WBP1L: variants seen among roughly 807,000 people sequenced by gnomAD.
WBP1L encodes the protein WW domain binding protein 1-like.
WBP1L carries 17 observed loss-of-function variants against 33.7 expected under a neutral mutation model. The observed-to-expected ratio is 0.50, with a 90% CI of 0.34 to 0.76. The LOEUF is 0.76. WBP1L is among the 30% of genes least tolerant of loss of function. WBP1L has a pLI of 0.01. For missense variants in WBP1L, 389 were observed against 469.4 expected (o/e 0.83, Z 1.58); for synonymous variants, 173 against 190.8 (o/e 0.91, Z 0.77).
At chr10:102,774,498 T>C (rs1323062419) in intron 1 of WBP1L, among the ~76,000 whole-genome samples, 1 of 152,222 alleles carries the variant, frequency 6.6e-6, no homozygotes, top group African/African-American at 2.4e-5. Context: ...CACATTCATT[T>C]TCTTGTCAGG....
intron 1 of WBP1L, 158 bp downstream of exon 1, chr10:102,744,301 C>G: frequency 3.2e-6 from 3 of 923,204 alleles, no homozygotes; most frequent in Non-Finnish European, 3.9e-6. Context: ...CGGTATTTAG[C>G]TGAGGGACAC....
At chr10:102,776,265 T>G in intron 1 of WBP1L, 1 of 1,600,166 alleles carries the variant, frequency 6.2e-7, no homozygotes, top group Non-Finnish European at 8.5e-7. Context: ...TTGTCTGCTT[T>G]GCTAAAGAAG....
chr10:102,745,761 T>C (rs1564750993), intron 1 of WBP1L, among the ~76,000 whole-genome samples: 1 of 152,228 alleles, frequency 6.6e-6, no homozygotes, highest in Non-Finnish European at 1.5e-5. Flanking sequence ...GAAAGGAATG[T>C]AGCTCATTTT....
In WBP1L at chr10:102,743,962, G is replaced by T; in HGVS notation, c.-92G>T. ...GGGAGGGGAGCGTCAAACAGGAAAA[G>T]AAGGGAAGAAGGAAGAAGAGGGTAG... On this transcript the variant is annotated 5_prime_UTR_variant, in exon 1 of 4. Coordinates refer to ENST00000448841, the MANE Select transcript of WBP1L (RefSeq NM_001083913.2). 1 of 1,028,374 alleles carries T rather than the reference G, an allele frequency of 9.7e-7. No homozygotes were observed. The allele number at this position is 1,028,374 out of a possible 1,614,324, so 63.7% of individuals were successfully genotyped here.
In WBP1L at chr10:102,744,057, G is replaced by A; in HGVS notation, c.4G>A (p.Glu2Lys). 1.3e-6 allele frequency: 2 copies of A among 1,551,086 alleles called. No individual in the cohort carries two copies. The highest frequency in any genetic ancestry group is 1.2e-5 in the South Asian group (1 of 84,008). The change falls in exon 1 of 4, where the codon GAG becomes AAG. Residue 2 changes from glutamate (E) to lysine (K), a missense_variant. Glu to Lys is a moderately conservative substitution (Grantham distance 56, BLOSUM62 1). Coordinates refer to ENST00000448841, the MANE Select transcript of WBP1L (RefSeq NM_001083913.2). M[E>K]RRRLLGGMAL... ...GAGGAGCAGGAGCAGGAGGGGGATG[G>A]AGAGGAGAAGGCTCCTGGGTGGCAT...
At chr10:102,797,846 T>C (rs1218797043) in intron 1 of WBP1L, 147 bp from the exon 2 acceptor site, 1 of 730,372 alleles carries the variant, frequency 1.4e-6, no homozygotes, top group Non-Finnish European at 2.2e-6. Context: ...CCACCGCGCC[T>C]GGCCAAAGTT....
chr10:102,772,816 C>T lies in WBP1L; in HGVS notation c.91-25177C>T, dbSNP rs145480637. On this transcript the variant is annotated intron_variant, in intron 1 of 3. Transcript: ENST00000448841. Reference sequence around the variant, plus strand: ...AACTCCTGGGCTCAAGCAATCTGCCCACCTCAGCCTCCCAAAGTACTAGGA... The same window carrying T: ...AACTCCTGGGCTCAAGCAATCTGCCTACCTCAGCCTCCCAAAGTACTAGGA... Among the ~76,000 whole-genome samples the T allele has an allele frequency of 9.1e-3, 1,348 of 148,498 alleles. 15 individuals carry two copies. The highest frequency in any genetic ancestry group is 0.028 in the Middle Eastern group (8 of 288).
At chr10:102,764,811 G>A (rs1305113238) in intron 1 of WBP1L, among the ~76,000 whole-genome samples, 1 of 152,206 alleles carries the variant, frequency 6.6e-6, no homozygotes, top group Non-Finnish European at 1.5e-5. Context: ...AATGAGGAAA[G>A]GCACGGTGCC....
chr10:102,788,028 G>A (rs1375187285), intron 1 of WBP1L, among the ~76,000 whole-genome samples: 2 of 148,676 alleles, frequency 1.3e-5, no homozygotes, highest in Non-Finnish European at 3.0e-5. Flanking sequence ...GCAGTGAGCC[G>A]AGATCGTGCC....
intron 2 of WBP1L, chr10:102,804,145 T>G (rs562191963): frequency 6.6e-6 from 1 of 152,088 alleles, no homozygotes; most frequent in African/African-American, 2.4e-5. Flanking sequence ...TCCCAGCACT[T>G]TGGGAGGCTG....
At chr10:102,810,818 C>A (rs1001562805) in intron 3 of WBP1L, among the ~76,000 whole-genome samples, 2 of 151,862 alleles carry the variant, frequency 1.3e-5, no homozygotes, top group South Asian at 4.2e-4. Flanking sequence ...CTGCTCGTCT[C>A]GGCCTCCCAA....
intron 1 of WBP1L, among the ~76,000 whole-genome samples, chr10:102,766,189 C>T (rs1843105595): frequency 1.3e-5 from 2 of 152,006 alleles, no homozygotes; most frequent in South Asian, 4.2e-4. Flanking sequence ...CATCTGTAAT[C>T]CCAGCACTTT....
chr10:102,780,180 G>A (rs1360356249), intron 1 of WBP1L, among the ~76,000 whole-genome samples: 2 of 152,288 alleles, frequency 1.3e-5, no homozygotes, highest in East Asian at 3.9e-4. Flanking sequence ...TTTCATGCAA[G>A]GGACAGTTAG....
chr10:102,789,077 A>G (rs1843460462), intron 1 of WBP1L, among the ~76,000 whole-genome samples: 1 of 152,144 alleles, frequency 6.6e-6, no homozygotes, highest in Non-Finnish European at 1.5e-5. Flanking sequence ...CTTGTGCCTC[A>G]GCCTCCTGAG....
At chr10:102,788,302 G>C (rs933321481) in intron 1 of WBP1L, among the ~76,000 whole-genome samples, 11 of 151,612 alleles carry the variant, frequency 7.3e-5, no homozygotes, top group Admixed American at 4.6e-4. Context: ...AGTAGAGACG[G>C]GGTTTCACAG....
chr10:102,808,086 G>A (rs1843763351), intron 2 of WBP1L, among the ~76,000 whole-genome samples: 1 of 151,980 alleles, frequency 6.6e-6, no homozygotes, highest in Admixed American at 6.6e-5. Flanking sequence ...GGTGGAGGTG[G>A]GAGGACAGCT....
At chr10:102,775,644 G>A (rs1371867021) in intron 1 of WBP1L, among the ~76,000 whole-genome samples, 1 of 152,194 alleles carries the variant, frequency 6.6e-6, no homozygotes, top group Non-Finnish European at 1.5e-5. Flanking sequence ...CAGTGTCCAA[G>A]GTAGCGTGTC....
chr10:102,801,537 C>T (rs915738523), intron 2 of WBP1L, among the ~76,000 whole-genome samples: 4 of 152,150 alleles, frequency 2.6e-5, no homozygotes, highest in Admixed American at 1.3e-4. Context: ...GGTAATCCAG[C>T]GGGGAGGGGA....
intron 3 of WBP1L, among the ~76,000 whole-genome samples, chr10:102,811,314 CG>C (rs1487936160): frequency 1.3e-5 from 2 of 151,736 alleles, no homozygotes; most frequent in Non-Finnish European, 2.9e-5. Context: ...ATGAAAGGGG[CG>C]GGTTGGGGGG....
Sources: allele counts gnomAD v4.1 joint callset (sites outside exome capture counted in the v4.1 genomes callset), GRCh38; gene constraint gnomAD v4.1.1; transcripts MANE v1.5; gene names NCBI Gene and HGNC (gene_info 2026-07-23, HGNC 2026-07-21).